The following DOCK4 variants were observed in gnomAD, a reference collection of about 807,000 sequenced individuals.
DOCK4 encodes the protein dedicator of cytokinesis 4.
DOCK4 carries 97 observed loss-of-function variants against 268.1 expected under a neutral mutation model. The observed-to-expected ratio is 0.36, with a 90% confidence interval of 0.31 to 0.43. The LOEUF is 0.43. Among genes scored for constraint, DOCK4 ranks in the 20% least tolerant of loss-of-function variants. The pLI is 1.00. For missense variants in DOCK4, 2,145 were observed against 2,455.7 expected, an observed-to-expected ratio of 0.87 and a Z score of 2.67; for synonymous variants, 954 against 887.2, an observed-to-expected ratio of 1.08 and a Z score of -1.34.
chr7:111,781,268 A>C (rs1022596742), intron 35 of DOCK4, among the ~76,000 whole-genome samples: 3 of 152,228 alleles, frequency 2.0e-5, no homozygotes, highest in Admixed American at 6.5e-5. Context: ...AGAGTTAAGA[A>C]GACAGAGAAG....
At chr7:111,812,355 C>T (rs999847630) in intron 27 of DOCK4, among the ~76,000 whole-genome samples, 1 of 152,192 alleles carries the variant, frequency 6.6e-6, no homozygotes, top group Admixed American at 6.5e-5. Context: ...TCATAGCTCA[C>T]TGCAGCCTCA....
At chr7:111,969,716 T>C (rs1797550224) in intron 8 of DOCK4, among the ~76,000 whole-genome samples, 1 of 151,360 alleles carries the variant, frequency 6.6e-6, no homozygotes, top group Non-Finnish European at 1.5e-5. Context: ...TGTAGATTAA[T>C]TGACATATGC....
intron 16 of DOCK4, among the ~76,000 whole-genome samples, chr7:111,880,336 A>T (rs1454461830): frequency 6.6e-6 from 1 of 152,214 alleles, no homozygotes; most frequent in African/African-American, 2.4e-5. Context: ...TTACCCTAGA[A>T]TAGTATATCC....
chr7:112,083,862 A>G (rs1169577434), intron 1 of DOCK4, among the ~76,000 whole-genome samples: 3 of 152,140 alleles, frequency 2.0e-5, no homozygotes, highest in Non-Finnish European at 4.4e-5. Flanking sequence ...CTTTTCCCTA[A>G]CCACCTCATG....
intron 5 of DOCK4, among the ~76,000 whole-genome samples, chr7:111,990,883 C>T (rs1799467889): frequency 6.6e-6 from 1 of 152,214 alleles, no homozygotes; most frequent in South Asian, 2.1e-4. Context: ...GAATGAATAG[C>T]TTGATTTACA....
chr7:111,935,631 A>G lies in DOCK4; in HGVS notation c.978-3T>C, dbSNP rs369026167. The G allele has an allele frequency of 4.3e-6, 7 of 1,612,274 alleles. No individual in the cohort carries two copies. The highest frequency in any genetic ancestry group is 5.9e-6 in the Non-Finnish European group (7 of 1,178,536). On this transcript the variant is annotated splice_region_variant and splice_polypyrimidine_tract_variant and intron_variant, in intron 11 of 52. Transcript: ENST00000428084. The stretch of plus-strand genomic sequence containing the variant: ...ACCACTCACTCTCTGTGTTACACCT[A>G]TGAAAACATTAACACTCTGTTAAGC...
At chr7:112,122,686 T>C (rs1264936730) in intron 1 of DOCK4, among the ~76,000 whole-genome samples, 2 of 152,246 alleles carry the variant, frequency 1.3e-5, no homozygotes, top group Admixed American at 6.5e-5. Context: ...TTTGAATTTG[T>C]CATTTTTATT....
rs73715420 is a variant in DOCK4, at chr7:112,087,567, A to G, written c.38-83436T>C. 3.7e-3 allele frequency among the ~76,000 whole-genome samples: 571 copies of G among 152,292 alleles called. 3 individuals carry two copies. The highest frequency in any genetic ancestry group is 0.013 in the African/African-American group (537 of 41,562). ...TTAAAGTATAAAGTGTCAAAAACAA[A>G]TAATAAAATGTCTAGGAAAAAAATG... On this transcript the variant is annotated intron_variant, in intron 1 of 52. Coordinates refer to ENST00000428084, the MANE Select transcript of DOCK4 (RefSeq NM_001363540.2).
At chr7:111,793,077 A>AAG (rs1344403845) in intron 30 of DOCK4, among the ~76,000 whole-genome samples, 1 of 152,218 alleles carries the variant, frequency 6.6e-6, no homozygotes, top group Non-Finnish European at 1.5e-5. Flanking sequence ...CAGCATCAAG[A>AAG]AGAGTTGTTT....
intron 1 of DOCK4, among the ~76,000 whole-genome samples, chr7:112,201,418 G>A (rs773750480): frequency 1.1e-4 from 16 of 152,076 alleles, no homozygotes; most frequent in South Asian, 2.1e-4. Context: ...TTTCTTATAA[G>A]GTTCATGGAT....
At chr7:112,041,394 A>G (rs1289734626) in intron 1 of DOCK4, among the ~76,000 whole-genome samples, 3 of 152,248 alleles carry the variant, frequency 2.0e-5, no homozygotes, top group Non-Finnish European at 4.4e-5. Flanking sequence ...CAGATTTTTA[A>G]GCATAACAAT....
intron 2 of DOCK4, 147 bp downstream of exon 2, chr7:112,003,901 A>G (rs1800640237): frequency 1.9e-6 from 1 of 523,820 alleles, no homozygotes; most frequent in Non-Finnish European, 3.3e-6. Context: ...TCCATTAGCC[A>G]AACACTGAAA....
At chr7:111,789,087 T>G (rs2133796205) in intron 31 of DOCK4, 1 of 321,846 alleles carries the variant, frequency 3.1e-6, no homozygotes, top group Middle Eastern at 1.0e-3. Context: ...TTTTCTTTTT[T>G]TTAAACATCA....
At chr7:112,166,835 TC>T (rs1342149382) in intron 1 of DOCK4, among the ~76,000 whole-genome samples, 47 of 152,048 alleles carry the variant, frequency 3.1e-4, no homozygotes, top group African/African-American at 1.1e-3. Flanking sequence ...TTTAAATTCT[TC>T]TTTTTTTTTT....
rs139078333 is a variant in DOCK4 at position 111,962,110 on chromosome 7, G to A, written c.701+15022C>T. ...TTCTTTCTCTTTGTTCTTCCATTGC[G>A]GAAGTATTTTAAAGCAAATCACACC... On this transcript the variant is annotated intron_variant, in intron 8 of 52. Transcript: ENST00000428084. Among the ~76,000 whole-genome samples, 21 of 151,830 alleles carry A rather than the reference G, an allele frequency of 1.4e-4. No homozygotes were observed. The East Asian group carries it at 1.7e-3, about 13-fold the overall frequency.
At chr7:112,128,031 G>T (rs1385737031) in intron 1 of DOCK4, among the ~76,000 whole-genome samples, 1 of 152,160 alleles carries the variant, frequency 6.6e-6, no homozygotes, top group Non-Finnish European at 1.5e-5. Context: ...TCTGTCGGGG[G>T]TGAGGGTGGA....
intron 42 of DOCK4, among the ~76,000 whole-genome samples, chr7:111,755,037 G>A (rs1019482777): frequency 1.3e-5 from 2 of 152,174 alleles, no homozygotes; most frequent in African/African-American, 4.8e-5. Context: ...GAAATATCTG[G>A]GTTGGAGTCT....
intron 44 of DOCK4, among the ~76,000 whole-genome samples, chr7:111,744,338 T>C: frequency 6.6e-6 from 1 of 152,198 alleles, no homozygotes; most frequent in South Asian, 2.1e-4. Flanking sequence ...AGAGAGTTTA[T>C]CTGAACTACT....
intron 1 of DOCK4, among the ~76,000 whole-genome samples, chr7:112,056,351 T>G (rs567290294): frequency 1.3e-5 from 2 of 152,316 alleles, no homozygotes; most frequent in Admixed American, 1.3e-4. Context: ...AATAAGTGTA[T>G]GCTTTTAAAT....
Sources: allele counts gnomAD v4.1 joint callset (sites outside exome capture counted in the v4.1 genomes callset), GRCh38; gene constraint gnomAD v4.1.1; transcripts MANE v1.5; gene names NCBI Gene and HGNC (gene_info 2026-07-23, HGNC 2026-07-21).